The following RYR2 variants were observed in gnomAD, a reference collection of about 807,000 sequenced individuals.
RYR2 encodes the protein ryanodine receptor 2.
Under a neutral mutation model 601.1 loss-of-function variants are expected in RYR2, and 227 were observed. That is an observed-to-expected ratio of 0.38 (90% CI 0.34 to 0.42). The LOEUF is 0.42. Among genes scored for constraint, RYR2 ranks in the 10% least tolerant of loss-of-function variants. RYR2 has a pLI of 1.00. For missense variants in RYR2, 4,646 were observed against 6,156.5 expected, an observed-to-expected ratio of 0.75 and a Z score of 8.21; for synonymous variants, 2,223 against 2,175.1, an observed-to-expected ratio of 1.02 and a Z score of -0.61.
At chr1:237,234,363 C>G (rs549252108) in intron 1 of RYR2, among the ~76,000 whole-genome samples, 1 of 152,236 alleles carries the variant, frequency 6.6e-6, no homozygotes, top group Non-Finnish European at 1.5e-5. Flanking sequence ...TGTGTCTAGA[C>G]TGAATTCATA....
intron 1 of RYR2, among the ~76,000 whole-genome samples, chr1:237,244,632 C>A (rs1254608459): frequency 6.6e-6 from 1 of 152,152 alleles, no homozygotes; most frequent in African/African-American, 2.4e-5. Flanking sequence ...GCTCATCCAT[C>A]CCAGCCGGCC....
At chr1:237,139,738 T>G (rs1032693233) in intron 1 of RYR2, among the ~76,000 whole-genome samples, 3 of 152,230 alleles carry the variant, frequency 2.0e-5, no homozygotes, top group African/African-American at 7.2e-5. Context: ...CTGTCTTCAT[T>G]ACCACTAACA....
intron 2 of RYR2, among the ~76,000 whole-genome samples, chr1:237,276,881 A>G (rs1690341171): frequency 6.6e-6 from 1 of 152,222 alleles, no homozygotes; most frequent in Non-Finnish European, 1.5e-5. Context: ...TCCTTAAATT[A>G]TTCCAAAGCA....
At chr1:237,443,561 T>C (rs1708094258) in intron 13 of RYR2, among the ~76,000 whole-genome samples, 1 of 152,216 alleles carries the variant, frequency 6.6e-6, no homozygotes, top group Non-Finnish European at 1.5e-5. Flanking sequence ...TACTTGACCA[T>C]AGTGTATGAT....
intron 1 of RYR2, among the ~76,000 whole-genome samples, chr1:237,100,061 C>T (rs1321565114): frequency 6.6e-6 from 1 of 152,178 alleles, no homozygotes; most frequent in African/African-American, 2.4e-5. Context: ...CCTGCCTGCC[C>T]TTGTTAACTT....
rs760544949 is a variant in RYR2 at position 237,503,398 on chromosome 1, C to A, written c.2506C>A (p.His836Asn). The part of the protein sequence containing the change: ...VLPKEKLKVE[H>N]SREYKQERTY... ...GCCAAAAGAAAAGTTGAAAGTGGAA[C>A]ACAGCCGAGAGTACAAGCAAGAAAG... is the stretch of plus-strand genomic sequence containing the variant. The change falls in exon 22 of 105, where the codon CAC (histidine) becomes AAC (asparagine). Residue 836 changes from histidine (H) to asparagine (N), a missense_variant. By Grantham distance (68) the His-to-Asn change is moderately conservative (BLOSUM62 1). Around this residue, in one of 17 missense-constraint regions of RYR2, gnomAD observed 1,807 missense variants for 2,088.1 expected, o/e 0.87. Transcript: ENST00000366574. 5.6e-6 allele frequency: 9 copies of A among 1,613,918 alleles called. No homozygotes were observed. The highest frequency in any genetic ancestry group is 7.6e-6 in the Non-Finnish European group (9 of 1,179,888).
chr1:237,631,836 G>C (rs573565288), intron 42 of RYR2, among the ~76,000 whole-genome samples: 28 of 148,622 alleles, frequency 1.9e-4, no homozygotes, highest in Non-Finnish European at 3.3e-4. Context: ...CACTGTGTTA[G>C]CCAGGATGGT....
At chr1:237,070,056 A>G (rs1572523520) in intron 1 of RYR2, among the ~76,000 whole-genome samples, 1 of 145,858 alleles carries the variant, frequency 6.9e-6, no homozygotes, top group South Asian at 2.2e-4. Context: ...TTGGAGACAC[A>G]ATCTTACTGT....
intron 14 of RYR2, among the ~76,000 whole-genome samples, chr1:237,449,247 T>A (rs1657769546): frequency 6.6e-6 from 1 of 152,216 alleles, no homozygotes; most frequent in African/African-American, 2.4e-5. Context: ...GCTGTAATAT[T>A]TTGTTTGTAT....
At chr1:237,574,472 G>A (rs1047173012) in intron 29 of RYR2, among the ~76,000 whole-genome samples, 13 of 152,126 alleles carry the variant, frequency 8.5e-5, no homozygotes, top group Non-Finnish European at 1.3e-4. Context: ...AATATGATGG[G>A]ATATCACTCA....
At chr1:237,546,987 A>ATT (rs1669876386) in intron 25 of RYR2, among the ~76,000 whole-genome samples, 2 of 125,040 alleles carry the variant, frequency 1.6e-5, no homozygotes, top group East Asian at 2.3e-4. Context: ...ATATATATAT[A>ATT]TATATATATT....
chr1:237,350,602 A>AAATATATAT (rs1558665984), intron 3 of RYR2, among the ~76,000 whole-genome samples: 1 of 37,010 alleles, frequency 2.7e-5, no homozygotes, highest in African/African-American at 1.0e-4. Flanking sequence ...AAAAAAAAAA[A>AAATATATAT]ATATATATAT....
chr1:237,792,423 G>GTGTGTT, intron 94 of RYR2, 100 bp downstream of exon 94: 1 of 667,064 alleles, frequency 1.5e-6, no homozygotes, highest in Non-Finnish European at 2.3e-6. Context: ...GTGTGTGTGT[G>GTGTGTT]TTTTGCAGGC....
chr1:237,735,611 T>G (rs1360875413), intron 79 of RYR2, among the ~76,000 whole-genome samples: 1 of 152,154 alleles, frequency 6.6e-6, no homozygotes, highest in Non-Finnish European at 1.5e-5. Context: ...GGTACAGTCA[T>G]CTCTCAGTAT....
intron 17 of RYR2, among the ~76,000 whole-genome samples, chr1:237,477,020 A>G (rs1661481507): frequency 6.6e-6 from 1 of 152,178 alleles, no homozygotes; most frequent in South Asian, 2.1e-4. Flanking sequence ...TTAGTTAGCC[A>G]GAGGAATAAA....
In RYR2 at chr1:237,407,609, G is replaced by T. The variant is rs113633310; in HGVS notation, c.774-9440G>T. Among the ~76,000 whole-genome samples the T allele has an allele frequency of 1.3e-3, 156 of 118,834 alleles. 8 individuals carry two copies. The highest frequency in any genetic ancestry group is 4.6e-3 in the Middle Eastern group (1 of 218). 78.0% of individuals were successfully genotyped at this position (118,834 alleles called of 152,430 possible). ...TTCTGGTGATTTTTAAATTGTGGTTGTTTTTTTTTTTTTTTTTTTTAAATT... is the reference window on the plus strand; with the variant it reads ...TTCTGGTGATTTTTAAATTGTGGTTTTTTTTTTTTTTTTTTTTTTTAAATT... On this transcript the variant is annotated intron_variant, in intron 10 of 104. Coordinates refer to ENST00000366574, the MANE Select transcript of RYR2 (RefSeq NM_001035.3).
At chr1:237,108,657 G>A (rs1490039426) in intron 1 of RYR2, among the ~76,000 whole-genome samples, 1 of 152,204 alleles carries the variant, frequency 6.6e-6, no homozygotes, top group African/African-American at 2.4e-5. Flanking sequence ...GAGTGTGTAG[G>A]GGCGTGGAGG....
intron 28 of RYR2, among the ~76,000 whole-genome samples, chr1:237,567,415 CAAAA>C (rs3057438): frequency 3.6e-5 from 4 of 112,018 alleles, no homozygotes; most frequent in South Asian, 3.1e-4. Flanking sequence ...CCTGTCTCTA[CAAAA>C]AAAAAAAAAA....
At chr1:237,818,589 TGTTA>T (rs1405516377) in intron 100 of RYR2, among the ~76,000 whole-genome samples, 1 of 151,848 alleles carries the variant, frequency 6.6e-6, no homozygotes, top group African/African-American at 2.4e-5. Context: ...GAGGGAAGGG[TGTTA>T]GTATGTTTTC....
Sources: gnomAD v4.1 joint callset for allele counts (sites outside exome capture counted in the v4.1 genomes callset) on GRCh38, gnomAD v4.1.1 for gene constraint, gnomAD v4.1.1 regional missense constraint, MANE v1.5 for transcripts, NCBI Gene and HGNC (gene_info 2026-07-23, HGNC 2026-07-21) for gene names.